Variants in UBAP2L observed in about 807,000 individuals in gnomAD.
UBAP2L encodes the protein ubiquitin-associated protein 2-like.
UBAP2L carries 12 observed loss-of-function variants against 130.6 expected under a neutral mutation model. The observed-to-expected ratio is 0.09, with a 90% CI of 0.06 to 0.15. The LOEUF is 0.15. UBAP2L is among the 10% of genes least tolerant of loss of function. The pLI, the probability that UBAP2L is intolerant of heterozygous loss-of-function variation, is 1.00. For synonymous variants in UBAP2L, 503 were observed against 524.7 expected (o/e 0.96, Z 0.57); for missense variants, 965 against 1,332.5 (o/e 0.72, Z 4.29).
upstream of UBAP2L, chr1:154,220,238 G>A (rs893710882): frequency 1.2e-5 from 16 of 1,386,282 alleles, no homozygotes; most frequent in African/African-American, 2.1e-4. Flanking sequence ...AGCCCGGATA[G>A]GCGCAGGTGA....
chr1:154,263,503 A>G, intron 24 of UBAP2L: 1 of 1,058,472 alleles, frequency 9.4e-7, no homozygotes, highest in Non-Finnish European at 1.1e-6. Flanking sequence ...TTCTTTAGCT[A>G]ACTCTGGCGT....
chr1:154,265,352 C>G (rs947538819), intron 24 of UBAP2L, among the ~76,000 whole-genome samples: 1 of 152,126 alleles, frequency 6.6e-6, no homozygotes, highest in Non-Finnish European at 1.5e-5. Flanking sequence ...CATCAGTGTT[C>G]CTGATAGCAG....
At chr1:154,241,201 G>A (rs1357844554) in intron 8 of UBAP2L, among the ~76,000 whole-genome samples, 5 of 151,968 alleles carry the variant, frequency 3.3e-5, no homozygotes, top group Non-Finnish European at 4.4e-5. Flanking sequence ...CCATTCTTCT[G>A]CCTCAGCCTC....
chr1:154,254,888 A>G lies in UBAP2L; in HGVS notation c.1907A>G (p.Glu636Gly), dbSNP rs761156828. The stretch of plus-strand genomic sequence containing the variant: ...CAGTTACAGACCACACAATCTGTTG[A>G]AGGTGAGTGTTCTTCAGGCTTTTCC... Reference protein sequence around the residue: ...ATQLQTTQSVEGATGSAVKSD... With the variant: ...ATQLQTTQSVGGATGSAVKSD... The change falls in exon 16 of 27, where the codon GAA becomes GGA. Residue 636 changes from glutamate (E) to glycine (G), a missense_variant and splice_region_variant. By Grantham distance (98) the Glu-to-Gly change is moderately conservative. Transcript: ENST00000428931. 15 of 1,597,748 alleles carry G rather than the reference A, an allele frequency of 9.4e-6. No homozygotes were observed. Among genetic ancestry groups the G allele is most frequent in the Non-Finnish European group, 8.5e-7 (1 of 1,176,060 alleles).
At chr1:154,265,257 G>T (rs755016863) in intron 24 of UBAP2L, among the ~76,000 whole-genome samples, 1 of 152,118 alleles carries the variant, frequency 6.6e-6, no homozygotes, top group East Asian at 1.9e-4. Context: ...GAGGATTTAG[G>T]TTCTAGAGTT....
chr1:154,246,124 T>G, intron 10 of UBAP2L, 80 bp from the exon 11 acceptor site: 11 of 1,468,366 alleles, frequency 7.5e-6, no homozygotes, highest in Non-Finnish European at 1.0e-5. Context: ...GGCTTCATTT[T>G]GATCTAATCT....
At chr1:154,266,261 A>G (rs1683188415) in intron 24 of UBAP2L, among the ~76,000 whole-genome samples, 1 of 152,172 alleles carries the variant, frequency 6.6e-6, no homozygotes, top group Non-Finnish European at 1.5e-5. Flanking sequence ...CCCACCAAAA[A>G]ACAACTTACC....
chr1:154,255,778 T>C, intron 18 of UBAP2L, 23 bp downstream of exon 18: 1 of 1,612,872 alleles, frequency 6.2e-7, no homozygotes, highest in Non-Finnish European at 8.5e-7. Context: ...CTGAGAGGGA[T>C]GTGTGGTTTT....
At position 154,221,918 on chromosome 1, in the gene UBAP2L, A is replaced by G. The variant is rs552679609; in HGVS notation, c.-41+943A>G. 2.0e-5 allele frequency among the ~76,000 whole-genome samples: 3 copies of G among 152,240 alleles called. No homozygotes were observed. In the South Asian group the frequency reaches 6.2e-4, roughly 32 times the overall value. On this transcript the variant is annotated intron_variant, in intron 1 of 26. Coordinates refer to ENST00000428931, the MANE Select transcript of UBAP2L (RefSeq NM_014847.4). ...TGGGGTATTTGTTCACTCTTCTCAT[A>G]ATGGTACAGGAATGCCCAGTTTCTT...
At chr1:154,241,432 T>A (rs1673600805) in intron 8 of UBAP2L, 81 bp from the exon 9 acceptor site, 2 of 1,459,178 alleles carry the variant, frequency 1.4e-6, no homozygotes, top group East Asian at 4.6e-5. Context: ...GCCAAAAAAA[T>A]TAATACATTG....
chr1:154,255,558 C>T, intron 17 of UBAP2L, 125 bp from the exon 18 acceptor site: 1 of 1,242,554 alleles, frequency 8.0e-7, no homozygotes, highest in Non-Finnish European at 1.2e-6. Context: ...TTGTGCTTAA[C>T]ATATGATCTC....
At chr1:154,269,575 C>G in intron 26 of UBAP2L, 1 of 418,026 alleles carries the variant, frequency 2.4e-6, no homozygotes, top group Non-Finnish European at 4.5e-6. Context: ...CTCTCCTCCT[C>G]CCCTCCCCAA....
chr1:154,269,246 C>T, intron 26 of UBAP2L: 1 of 1,100,386 alleles, frequency 9.1e-7, no homozygotes, highest in Non-Finnish European at 1.3e-6. Context: ...CACACCTTCC[C>T]TCTTTCCTCT....
At position 154,245,203 on chromosome 1, in the gene UBAP2L, T is replaced by A. The variant is rs1371968700; in HGVS notation, c.843-1001T>A. Among the ~76,000 whole-genome samples the A allele has an allele frequency of 2.0e-5, 3 of 152,142 alleles. No individual in the cohort carries two copies. The East Asian group carries it at 5.8e-4, about 29-fold the overall frequency. On this transcript the variant is annotated intron_variant, in intron 10 of 26. Coordinates refer to ENST00000428931, the MANE Select transcript of UBAP2L (RefSeq NM_014847.4). ...GCCTCCCAAAGTGCCGAGTTACAGGTGTGAGCCACTGCATCCAGCCTTATC... is the reference window on the plus strand; with the variant it reads ...GCCTCCCAAAGTGCCGAGTTACAGGAGTGAGCCACTGCATCCAGCCTTATC...
chr1:154,234,726 A>G lies in UBAP2L; in HGVS notation c.415A>G (p.Arg139Gly). Residue 139 changes from arginine (R) to glycine (G), a missense_variant, in exon 5 of 27, where the codon AGA becomes GGA. Coordinates refer to ENST00000428931, the MANE Select transcript of UBAP2L (RefSeq NM_014847.4). ...DYSRRRGGPP[R>G]RGRGASRGRE... ...TAGTCGGCGACGTGGTGGGCCACCA[A>G]GACGGGGGAGAGGTGCCAGCCGTGG... 1 of 1,609,268 alleles carries G rather than the reference A, an allele frequency of 6.2e-7. No individual in the cohort carries two copies.
chr1:154,221,799 A>C (rs1419073102), intron 1 of UBAP2L, among the ~76,000 whole-genome samples: 3 of 152,176 alleles, frequency 2.0e-5, no homozygotes, highest in Non-Finnish European at 4.4e-5. Flanking sequence ...TTTATACTGT[A>C]GTTTGGGTAC....
intron 9 of UBAP2L, chr1:154,242,877 A>G (rs1284587115): frequency 1.9e-5 from 3 of 157,280 alleles, no homozygotes; most frequent in Non-Finnish European, 4.2e-5. Context: ...TGGTTTGGGA[A>G]GAGGTGGGAG....
At chr1:154,231,276 C>T (rs1669748271) in intron 4 of UBAP2L, among the ~76,000 whole-genome samples, 1 of 149,988 alleles carries the variant, frequency 6.7e-6, no homozygotes, top group Admixed American at 6.7e-5. Context: ...AGGTGTGCGC[C>T]ACCACACTTG....
At chr1:154,221,195 C>T (rs1177855458) in intron 1 of UBAP2L, 2 of 151,908 alleles carry the variant, frequency 1.3e-5, no homozygotes, top group Non-Finnish European at 2.9e-5. Flanking sequence ...CCTGGCGCCC[C>T]CCACCTCGAG....
Sources: allele counts gnomAD v4.1 joint callset (sites outside exome capture counted in the v4.1 genomes callset), GRCh38; gene constraint gnomAD v4.1.1; transcripts MANE v1.5; gene names NCBI Gene and HGNC (gene_info 2026-07-23, HGNC 2026-07-21).